Variants in CSRNP3 observed in about 807,000 individuals in gnomAD.
CSRNP3 encodes the protein cysteine/serine-rich nuclear protein 3.
A neutral mutation model predicts 48.0 loss-of-function variants in CSRNP3; 12 were observed. That is an observed-to-expected ratio of 0.25 (90% CI 0.16 to 0.41). The LOEUF is 0.41. Ranked by LOEUF, CSRNP3 falls within the 10% of genes least tolerant of loss-of-function variation. The pLI is 1.00. For missense variants in CSRNP3, 580 were observed against 724.4 expected, an observed-to-expected ratio of 0.80 and a Z score of 2.29; for synonymous variants, 263 against 269.7, an observed-to-expected ratio of 0.98 and a Z score of 0.24.
intron 4 of CSRNP3, among the ~76,000 whole-genome samples, chr2:165,618,607 A>G (rs1686289741): frequency 6.6e-6 from 1 of 152,200 alleles, no homozygotes; most frequent in Non-Finnish European, 1.5e-5. Flanking sequence ...CACATATTAC[A>G]CAATTTCATA....
intron 2 of CSRNP3, among the ~76,000 whole-genome samples, chr2:165,508,578 T>C (rs1433132838): frequency 6.6e-6 from 1 of 152,168 alleles, no homozygotes; most frequent in Non-Finnish European, 1.5e-5. Context: ...TTATATTCTT[T>C]CATGTGTTTT....
intron 4 of CSRNP3, among the ~76,000 whole-genome samples, chr2:165,623,688 A>C: frequency 6.6e-6 from 1 of 152,190 alleles, no homozygotes; most frequent in African/African-American, 2.4e-5. Flanking sequence ...TTACATACTG[A>C]CTTTTTAATA....
At chr2:165,574,515 A>G in intron 3 of CSRNP3, 1 of 871,186 alleles carries the variant, frequency 1.1e-6, no homozygotes, top group Non-Finnish European at 1.7e-6. Flanking sequence ...CATCGTGGCA[A>G]TTGGCAGGGT....
rs902398977 is a variant in CSRNP3, at chr2:165,684,089, A to G, written c.*4336A>G. On this transcript the variant is annotated 3_prime_UTR_variant, in exon 7 of 7. Coordinates refer to ENST00000651982, the MANE Select transcript of CSRNP3 (RefSeq NM_001172173.2). ...GGATTTGACTCATGCATAACCCAGG[A>G]AACATTTCAGGAAACTTTTAAGACA... is the stretch of plus-strand genomic sequence containing the variant. 2.0e-5 allele frequency: 3 copies of G among 152,174 alleles called. No individual in the cohort carries two copies. Among genetic ancestry groups the G allele is most frequent in the Non-Finnish European group, 2.9e-5 (2 of 68,018 alleles). 9.4% of individuals were successfully genotyped at this position (152,174 alleles called of 1,614,324 possible). A position where few individuals can be genotyped will look rare whatever the true frequency, so the allele number is the denominator to read the frequency against.
intron 3 of CSRNP3, among the ~76,000 whole-genome samples, chr2:165,579,038 A>G (rs769206265): frequency 1.1e-4 from 16 of 152,318 alleles, no homozygotes; most frequent in Middle Eastern, 3.4e-3. Flanking sequence ...TAGGAATATT[A>G]TAGATGATAG....
At position 165,502,348 on chromosome 2, in the gene CSRNP3, T is replaced by C. The variant is rs568587376; in HGVS notation, c.-113+7420T>C. 2.0e-4 allele frequency among the ~76,000 whole-genome samples: 31 copies of C among 152,144 alleles called. No individual in the cohort carries two copies. In the South Asian group the frequency reaches 5.4e-3, roughly 26 times the overall value. On this transcript the variant is annotated intron_variant, in intron 2 of 6. Transcript: ENST00000651982. Reference sequence around the variant, plus strand: ...AAGAAAAACACACATTTTCTATAGATGGTAATATTCAAAAAGTAGTAGAAT... The same window carrying C: ...AAGAAAAACACACATTTTCTATAGACGGTAATATTCAAAAAGTAGTAGAAT...
intron 1 of CSRNP3, among the ~76,000 whole-genome samples, chr2:165,474,476 T>C (rs533617155): frequency 8.5e-5 from 13 of 152,304 alleles, no homozygotes; most frequent in Middle Eastern, 3.4e-3. Flanking sequence ...CCTATACTCA[T>C]TTAATTCATG....
chr2:165,548,348 A>G (rs1437039522), intron 3 of CSRNP3, among the ~76,000 whole-genome samples: 2 of 152,050 alleles, frequency 1.3e-5, no homozygotes, highest in Non-Finnish European at 2.9e-5. Context: ...AGTCTTCTCA[A>G]TTGTAAAATA....
intron 4 of CSRNP3, among the ~76,000 whole-genome samples, chr2:165,614,453 C>A (rs529190368): frequency 6.6e-6 from 1 of 152,164 alleles, no homozygotes; most frequent in African/African-American, 2.4e-5. Context: ...ATCAAGACTT[C>A]TAGAACTATG....
intron 3 of CSRNP3, among the ~76,000 whole-genome samples, chr2:165,533,714 A>G (rs943230553): frequency 6.6e-6 from 1 of 152,078 alleles, no homozygotes; most frequent in Middle Eastern, 3.2e-3. Flanking sequence ...TTTCTATTCA[A>G]GGATGCTTTG....
At chr2:165,666,975 G>GAGAGAGAGAGAGAAAGGAAGGAAGGAA (rs1687233321) in intron 5 of CSRNP3, among the ~76,000 whole-genome samples, 1 of 19,778 alleles carries the variant, frequency 5.1e-5, no homozygotes, top group Non-Finnish European at 2.0e-4. Flanking sequence ...AGGAAGGAAA[G>GAGAGAGAGAGAGAAAGGAAGGAAGGAA]AGAGAGAGGA....
chr2:165,641,343 A>G (rs895446659), intron 4 of CSRNP3, among the ~76,000 whole-genome samples: 2 of 152,200 alleles, frequency 1.3e-5, no homozygotes, highest in Non-Finnish European at 2.9e-5. Context: ...GTCTTTCTCA[A>G]TTCCTAAGAT....
Position 165,657,840 on chromosome 2 carries a change from C to T in CSRNP3, c.228C>T (p.Thr76=), listed in dbSNP as rs1260541701. Residue 76 remains threonine (T), a synonymous_variant, in exon 5 of 7, where the codon ACC becomes ACT. Transcript: ENST00000651982. ...GTTGTGTCACCGTGTACTACTTCAC[C>T]AGGAGGCAAGGCTTCACAAGTGTGC... ...HFSCVTVYYF[T]RRQGFTSVPS... 6.2e-7 allele frequency: 1 copy of T among 1,613,946 alleles called. No homozygotes were observed. The highest frequency in any genetic ancestry group is 8.5e-7 in the Non-Finnish European group (1 of 1,179,978).
chr2:165,542,382 A>G (rs1220640626), intron 3 of CSRNP3, among the ~76,000 whole-genome samples: 2 of 152,186 alleles, frequency 1.3e-5, no homozygotes, highest in East Asian at 3.8e-4. Context: ...CCTTGTCAGC[A>G]TTGGTGAAGA....
intron 2 of CSRNP3, among the ~76,000 whole-genome samples, chr2:165,511,124 A>G (rs1400730776): frequency 6.6e-6 from 1 of 152,222 alleles, no homozygotes; most frequent in Non-Finnish European, 1.5e-5. Context: ...AGATAATGAC[A>G]GAACTTACCA....
At chr2:165,513,486 G>A (rs16850819) in intron 2 of CSRNP3, among the ~76,000 whole-genome samples, 29,904 of 152,120 alleles carry the variant, frequency 0.2, 3,178 homozygotes, top group African/African-American at 0.25. Flanking sequence ...CAAAACCCCA[G>A]CATTGGCAAA....
intron 4 of CSRNP3, among the ~76,000 whole-genome samples, chr2:165,627,982 T>C (rs1686467052): frequency 6.6e-6 from 1 of 152,208 alleles, no homozygotes; most frequent in Non-Finnish European, 1.5e-5. Flanking sequence ...ACTGGAGCTG[T>C]TAATGCTTCG....
chr2:165,642,976 G>A (rs1231618599), intron 4 of CSRNP3, among the ~76,000 whole-genome samples: 2 of 152,230 alleles, frequency 1.3e-5, no homozygotes, highest in African/African-American at 4.8e-5. Flanking sequence ...GGGAGAAAGA[G>A]AGAAAGAAAG....
rs148820891 is a variant in CSRNP3 at position 165,643,264 on chromosome 2, A to G, written c.149-14497A>G. Among the ~76,000 whole-genome samples, 690 of 152,354 alleles carry G rather than the reference A, an allele frequency of 4.5e-3. 7 individuals carry two copies. The highest frequency in any genetic ancestry group is 0.015 in the African/African-American group (635 of 41,592). On this transcript the variant is annotated intron_variant, in intron 4 of 6. Coordinates refer to ENST00000651982, the MANE Select transcript of CSRNP3 (RefSeq NM_001172173.2). ...ATCTTTCTGAGGATAAAAAGAATGT[A>G]CTGCCCTGACCTGTCCTTACTTGGA...
Sources: allele counts gnomAD v4.1 joint callset (sites outside exome capture counted in the v4.1 genomes callset), GRCh38; gene constraint gnomAD v4.1.1; transcripts MANE v1.5; gene names NCBI Gene and HGNC (gene_info 2026-07-23, HGNC 2026-07-21).